FA2H: variants seen among roughly 807,000 people sequenced by gnomAD.
FA2H encodes the protein fatty acid 2-hydroxylase.
A neutral mutation model predicts 44.9 loss-of-function variants in FA2H; 22 were observed. The ratio of observed to expected loss-of-function variants is 0.49; its 90% CI spans 0.35 to 0.70. The LOEUF is 0.70. Ranked by LOEUF, FA2H falls within the 30% of genes least tolerant of loss-of-function variation. The pLI, the probability that FA2H is intolerant of heterozygous loss-of-function variation, is 0.01. For synonymous variants in FA2H, 243 were observed against 213.2 expected (o/e 1.14, Z -1.22); for missense variants, 501 against 504.9 (o/e 0.99, Z 0.07).
chr16:74,729,845 G>C (rs1962039198), intron 2 of FA2H, among the ~76,000 whole-genome samples: 1 of 152,116 alleles, frequency 6.6e-6, no homozygotes, highest in South Asian at 2.1e-4. Context: ...GTGAGGATGA[G>C]GGTGTCTCGG....
chr16:74,764,163 T>C (rs935636384), intron 1 of FA2H, among the ~76,000 whole-genome samples: 2 of 152,144 alleles, frequency 1.3e-5, no homozygotes, highest in African/African-American at 4.8e-5. Context: ...AAAGTGGTCA[T>C]TAGAGTCTTC....
chr16:74,714,317 G>A (rs1199385235), intron 6 of FA2H, 48 bp from the exon 7 acceptor site: 1 of 1,232,762 alleles, frequency 8.1e-7, no homozygotes, highest in Admixed American at 2.0e-5. Flanking sequence ...GAAGGAGCAG[G>A]CGTGCGCTGG....
chr16:74,743,939 C>A (rs889367378), intron 1 of FA2H, among the ~76,000 whole-genome samples: 1 of 152,146 alleles, frequency 6.6e-6, no homozygotes, highest in South Asian at 2.1e-4. Flanking sequence ...ACACGTCCTC[C>A]GGTGCATTGT....
In FA2H at chr16:74,714,090, G is replaced by T; in HGVS notation, c.*100C>A. On this transcript the variant is annotated 3_prime_UTR_variant, in exon 7 of 7. Transcript: ENST00000219368. ...TGCAGGGCCGGACACAGCCCATCCT[G>T]CCTGGCCAAGCCAACCTTCTTAATG... 1.3e-6 allele frequency: 1 copy of T among 769,178 alleles called. No individual in the cohort carries two copies. Among genetic ancestry groups the T allele is most frequent in the Non-Finnish European group, 2.2e-6 (1 of 450,274 alleles). The allele number at this position is 769,178 out of a possible 1,614,324, so 47.6% of individuals were successfully genotyped here. A position where few individuals can be genotyped will look rare whatever the true frequency, so the allele number is the denominator to read the frequency against.
At chr16:74,732,206 C>T (rs73614684) in intron 2 of FA2H, among the ~76,000 whole-genome samples, 1 of 151,958 alleles carries the variant, frequency 6.6e-6, no homozygotes, top group East Asian at 1.9e-4. Context: ...TTTTCTATGT[C>T]CCACTTTTGC....
At chr16:74,753,413 G>A (rs1020060395) in intron 1 of FA2H, among the ~76,000 whole-genome samples, 8 of 152,170 alleles carry the variant, frequency 5.3e-5, no homozygotes, top group Non-Finnish European at 1.0e-4. Context: ...ACAGCAGGGC[G>A]AGGTGGCTCA....
intron 1 of FA2H, among the ~76,000 whole-genome samples, chr16:74,749,213 C>G (rs1472079483): frequency 6.6e-6 from 1 of 152,230 alleles, no homozygotes; most frequent in Admixed American, 6.5e-5. Context: ...AGCGGATCCG[C>G]TTGCTTCCAT....
intron 1 of FA2H, among the ~76,000 whole-genome samples, chr16:74,742,436 A>C (rs1308056344): frequency 6.6e-6 from 1 of 152,254 alleles, no homozygotes; most frequent in Non-Finnish European, 1.5e-5. Context: ...AACCTAGATC[A>C]TAGATTCTCA....
At chr16:74,753,355 G>A (rs561926610) in intron 1 of FA2H, among the ~76,000 whole-genome samples, 17 of 152,274 alleles carry the variant, frequency 1.1e-4, no homozygotes, top group East Asian at 5.8e-4. Flanking sequence ...CAAACGCTAC[G>A]CACCACGACA....
chr16:74,729,854 G>T (rs557430481), intron 2 of FA2H, among the ~76,000 whole-genome samples: 2 of 152,002 alleles, frequency 1.3e-5, no homozygotes, highest in African/African-American at 4.8e-5. Context: ...AGGGTGTCTC[G>T]GTGGATGCTC....
chr16:74,760,638 C>T (rs954656083), intron 1 of FA2H, among the ~76,000 whole-genome samples: 2 of 152,188 alleles, frequency 1.3e-5, no homozygotes, highest in African/African-American at 4.8e-5. Flanking sequence ...CATTGCCTCA[C>T]GTCATCCTAG....
rs2144672899 is a variant in FA2H at position 74,774,766 on chromosome 16, C to A, written c.-11G>T. On this transcript the variant is annotated 5_prime_UTR_variant, in exon 1 of 7. Transcript: ENST00000219368. ...CGGAGCGGGGGCCATGGCCGGAGAC[C>A]GCAGCTCCCAGCGCGCAGCCCGGCG... 3 of 1,286,092 alleles carry A rather than the reference C, an allele frequency of 2.3e-6. No individual in the cohort carries two copies. The highest frequency in any genetic ancestry group is 2.9e-6 in the Non-Finnish European group (3 of 1,022,932). 79.7% of individuals were successfully genotyped at this position (1,286,092 alleles called of 1,614,324 possible). A position where few individuals can be genotyped will look rare whatever the true frequency, so the allele number is the denominator to read the frequency against.
intron 1 of FA2H, among the ~76,000 whole-genome samples, chr16:74,747,331 TAAGAAAGA>T (rs10557267): frequency 2.5e-4 from 38 of 150,268 alleles, no homozygotes; most frequent in Middle Eastern, 6.8e-3. Context: ...AATAAATAAA[TAAGAAAGA>T]AAGAAAGAAA....
chr16:74,754,609 C>A (rs910323310), intron 1 of FA2H, among the ~76,000 whole-genome samples: 3 of 152,046 alleles, frequency 2.0e-5, no homozygotes, highest in African/African-American at 7.3e-5. Context: ...CTCACTGAGA[C>A]CTCTGACTCC....
At chr16:74,756,445 C>T (rs1165960639) in intron 1 of FA2H, among the ~76,000 whole-genome samples, 2 of 152,112 alleles carry the variant, frequency 1.3e-5, no homozygotes, top group African/African-American at 4.8e-5. Context: ...TCTGCTCCAG[C>T]CACATGACCT....
chr16:74,744,912 T>G (rs1166736080), intron 1 of FA2H, among the ~76,000 whole-genome samples: 2 of 152,124 alleles, frequency 1.3e-5, no homozygotes, highest in Non-Finnish European at 2.9e-5. Context: ...TGGGTAGGTT[T>G]CAGTATTTGG....
At chr16:74,743,508 G>A (rs571319705) in intron 1 of FA2H, among the ~76,000 whole-genome samples, 4 of 152,268 alleles carry the variant, frequency 2.6e-5, no homozygotes, top group South Asian at 2.1e-4. Context: ...TGCCTCGAGC[G>A]GCTCCATCCC....
intron 1 of FA2H, among the ~76,000 whole-genome samples, chr16:74,741,509 G>A (rs552221015): frequency 4.6e-5 from 7 of 152,102 alleles, no homozygotes; most frequent in African/African-American, 1.7e-4. Context: ...CTCTTGCTCT[G>A]TCACCCAGGC....
chr16:74,737,044 T>C (rs899163915), intron 2 of FA2H, among the ~76,000 whole-genome samples: 3 of 152,176 alleles, frequency 2.0e-5, no homozygotes, highest in East Asian at 1.9e-4. Context: ...GTACAAGAGA[T>C]GTGAATTCAG....
Sources: gnomAD v4.1 joint callset for allele counts (sites outside exome capture counted in the v4.1 genomes callset) on GRCh38, gnomAD v4.1.1 for gene constraint, MANE v1.5 for transcripts, NCBI Gene and HGNC (gene_info 2026-07-23, HGNC 2026-07-21) for gene names.